SLC46A1: variants seen among roughly 807,000 people sequenced by gnomAD.
The protein encoded by SLC46A1 is solute carrier family 46 member 1.
In SLC46A1, 17 loss-of-function variants were observed where a neutral mutation model predicts 32.1. The ratio of observed to expected loss-of-function variants is 0.53; its 90% confidence interval spans 0.36 to 0.79. The LOEUF is 0.79. Ranked by LOEUF, SLC46A1 falls within the 30% of genes least tolerant of loss-of-function variation. The pLI is 0.00. For synonymous variants in SLC46A1, 240 were observed against 262.7 expected (o/e 0.91, Z 0.84); for missense variants, 517 against 588.2 (o/e 0.88, Z 1.25).
chr17:28,400,658 G>A lies in SLC46A1; in HGVS notation c.1274C>T (p.Pro425Leu), dbSNP rs80338774. 3 of 1,613,580 alleles carry A rather than the reference G, an allele frequency of 1.9e-6. No homozygotes were observed. The highest frequency in any genetic ancestry group is 1.3e-5 in the African/African-American group (1 of 74,896). ...CAGGAGGCCAGCTCCCAGGAGGAAGGGGAACCCCTTCATAAAGTTCAGAGT... is the reference window on the plus strand; with the variant it reads ...CAGGAGGCCAGCTCCCAGGAGGAAGAGGAACCCCTTCATAAAGTTCAGAGT... The part of the protein sequence containing the change: ...PATLNFMKGF[P>L]FLLGAGLLLI... The change falls in exon 4 of 5, where the codon CCC becomes CTC. Residue 425 changes from proline to leucine, a missense_variant. Transcript: ENST00000612814.
Position 28,405,897 on chromosome 17 carries a change from G to A in SLC46A1, c.218C>T (p.Pro73Leu). ...RGGCSNRSAD[P>L]TMQEVETLTS... Reference sequence around the variant, plus strand: ...TCGCCGCCCCGCTACCTGCATGGTGGGGTCCGCGCTGCGGTTGCTGCAGCC... The same window carrying A: ...TCGCCGCCCCGCTACCTGCATGGTGAGGTCCGCGCTGCGGTTGCTGCAGCC... The change falls in exon 1 of 5, where the codon CCC becomes CTC. Residue 73 changes from proline (P) to leucine (L), a missense_variant. Physicochemically the swap from Pro to Leu is moderately conservative, Grantham distance 98. Transcript: ENST00000612814. 1 of 1,593,556 alleles carries A rather than the reference G, an allele frequency of 6.3e-7. No homozygotes were observed. The highest frequency in any genetic ancestry group is 8.5e-7 in the Non-Finnish European group (1 of 1,171,290).
rs61732735 is a variant in SLC46A1 at position 28,405,271 on chromosome 17, G to C, written c.426C>G (p.Gly142=). ...AAAGGATGCGACCCAGCACGAAGTA[G>C]CCGACGTGGAGCTGCAGCTGCACCA... is the stretch of plus-strand genomic sequence containing the variant. ...VFVVQLQLHV[G]YFVLGRILCA... The change falls in exon 2 of 5, where the codon GGC becomes GGG. Residue 142 remains glycine, a synonymous_variant. Transcript: ENST00000612814. The C allele has an allele frequency of 1.3e-6, 2 of 1,585,318 alleles. No individual in the cohort carries two copies. Among genetic ancestry groups the C allele is most frequent in the South Asian group, 1.1e-5 (1 of 87,224 alleles).
intron 2 of SLC46A1, 57 bp from the exon 3 acceptor site, chr17:28,402,378 G>A: frequency 6.8e-7 from 1 of 1,478,836 alleles, no homozygotes. Context: ...GGCGTCCAAG[G>A]GAAAGGCAGC....
At position 28,399,916 on chromosome 17, in the gene SLC46A1, CA is replaced by C. The variant is rs41297119; in HGVS notation, c.1323-204del. 328 of 568,652 alleles carry C rather than the reference CA, an allele frequency of 5.8e-4. No individual in the cohort carries two copies. In the African/African-American group the frequency reaches 5.9e-3, roughly 10 times the overall value. 35.2% of individuals were successfully genotyped at this position (568,652 alleles called of 1,614,324 possible). Reference sequence around the variant, plus strand: ...AAATAACTTTTTTTTTTTTAAGAGACAGGGTCTTGCTCTGTTGTCCAGGCTG... The same window carrying C: ...AAATAACTTTTTTTTTTTTAAGAGACGGGTCTTGCTCTGTTGTCCAGGCTG... On this transcript the variant is annotated intron_variant, in intron 4 of 4. Coordinates refer to ENST00000612814, the MANE Select transcript of SLC46A1 (RefSeq NM_080669.6).
In SLC46A1 at chr17:28,395,909, T is replaced by C. The variant is rs1224037543; in HGVS notation, c.*3747A>G. On this transcript the variant is annotated 3_prime_UTR_variant, in exon 5 of 5. Transcript: ENST00000612814. ...TCCTTTCCTTTCTTTCTCCAGGAGATTGTGACTGCTTTAAGCTGCGGCAAG... is the reference window on the plus strand; with the variant it reads ...TCCTTTCCTTTCTTTCTCCAGGAGACTGTGACTGCTTTAAGCTGCGGCAAG... 6.2e-7 allele frequency: 1 copy of C among 1,613,782 alleles called. No homozygotes were observed. Among genetic ancestry groups the C allele is most frequent in the Non-Finnish European group, 8.5e-7 (1 of 1,179,850 alleles).
In SLC46A1 at chr17:28,396,040, C is replaced by A; in HGVS notation, c.*3616G>T. 9 of 1,613,804 alleles carry A rather than the reference C, an allele frequency of 5.6e-6. No individual in the cohort carries two copies. Among genetic ancestry groups the A allele is most frequent in the Non-Finnish European group, 7.6e-6 (9 of 1,179,818 alleles). On this transcript the variant is annotated 3_prime_UTR_variant, in exon 5 of 5. Transcript: ENST00000612814. ...CAACGGTATCAAGTGAGCCCCAGGG[C>A]CCTGGGACCAGGGGGGTAGGGTACA...
In SLC46A1 at chr17:28,404,792, T is replaced by C. The variant is rs1555590482; in HGVS notation, c.905A>G (p.Lys302Arg). ...ELSTPLCWDS[K>R]LIGYGSAAQH... Reference sequence around the variant, plus strand: ...AGCTGCAGAACCATAGCCGATTAGTTTGGAGTCCCAGCAGAGGGGTGTGCT... The same window carrying C: ...AGCTGCAGAACCATAGCCGATTAGTCTGGAGTCCCAGCAGAGGGGTGTGCT... Residue 302 changes from lysine to arginine, a missense_variant, in exon 2 of 5, where the codon AAA (lysine) becomes AGA (arginine). Lys to Arg is a conservative substitution (Grantham distance 26). Coordinates refer to ENST00000612814, the MANE Select transcript of SLC46A1 (RefSeq NM_080669.6). 5 of 1,613,842 alleles carry C rather than the reference T, an allele frequency of 3.1e-6. No homozygotes were observed. The highest frequency in any genetic ancestry group is 3.3e-5 in the Admixed American group (2 of 60,004).
In SLC46A1 at chr17:28,399,573, T is replaced by G. The variant is rs782350227; in HGVS notation, c.*83A>C. Reference sequence around the variant, plus strand: ...TAGACAAGAGTTGCTTGTCCTGCTGTGGGCTGGGCTTCCAGCTGCAGACCT... The same window carrying G: ...TAGACAAGAGTTGCTTGTCCTGCTGGGGGCTGGGCTTCCAGCTGCAGACCT... On this transcript the variant is annotated 3_prime_UTR_variant, in exon 5 of 5. Transcript: ENST00000612814. The G allele has an allele frequency of 7.0e-7, 1 of 1,432,994 alleles. No homozygotes were observed. The highest frequency in any genetic ancestry group is 1.2e-5 in the South Asian group (1 of 85,776). The allele number at this position is 1,432,994 out of a possible 1,614,324, so 88.8% of individuals were successfully genotyped here.
At chr17:28,402,214 A>G in intron 3 of SLC46A1, 24 bp downstream of exon 3, 2 of 1,603,834 alleles carry the variant, frequency 1.2e-6, no homozygotes, top group South Asian at 1.1e-5. Context: ...GAGGAACCAG[A>G]CACAGGTGGG....
At chr17:28,400,323 C>G (rs1271931761) in intron 4 of SLC46A1, 1 of 424,030 alleles carries the variant, frequency 2.4e-6, no homozygotes, top group African/African-American at 2.0e-5. Context: ...ATAGTTCCAT[C>G]TATAAAATGG....
At chr17:28,402,057 AGG>A (rs1555589717) in intron 3 of SLC46A1, 179 bp downstream of exon 3, 1 of 545,970 alleles carries the variant, frequency 1.8e-6, no homozygotes, top group Non-Finnish European at 3.3e-6. Flanking sequence ...TGAAAATCCA[AGG>A]TGGCATGATC....
At chr17:28,404,552 G>T in intron 2 of SLC46A1, 64 bp downstream of exon 2, 1 of 1,584,648 alleles carries the variant, frequency 6.3e-7, no homozygotes, top group Non-Finnish European at 8.6e-7. Flanking sequence ...GGCAGTGAGT[G>T]GCCGGCCCCC....
In SLC46A1 at chr17:28,397,696, G is replaced by C. The variant is rs1210507922; in HGVS notation, c.*1960C>G. The C allele has an allele frequency of 6.6e-6, 1 of 152,246 alleles. No individual in the cohort carries two copies. The highest frequency in any genetic ancestry group is 2.4e-5 in the African/African-American group (1 of 41,448). The allele number at this position is 152,246 out of a possible 1,614,324, so 9.4% of individuals were successfully genotyped here. A position where few individuals can be genotyped will look rare whatever the true frequency, so the allele number is the denominator to read the frequency against. On this transcript the variant is annotated 3_prime_UTR_variant, in exon 5 of 5. Coordinates refer to ENST00000612814, the MANE Select transcript of SLC46A1 (RefSeq NM_080669.6). ...GGGGGATAGGATTTTGCAACAAAAA[G>C]CTGACCCAGAGGCCATACAGAGCAG...
chr17:28,399,652 C>T lies in SLC46A1; in HGVS notation c.*4G>A. ...CTTGCCCTCTGTCTTCTGGTCCAGG[C>T]AGATCAGGGGCTCTGGGGAAACTGC... is the stretch of plus-strand genomic sequence containing the variant. On this transcript the variant is annotated 3_prime_UTR_variant, in exon 5 of 5. Coordinates refer to ENST00000612814, the MANE Select transcript of SLC46A1 (RefSeq NM_080669.6). 1 of 1,613,982 alleles carries T rather than the reference C, an allele frequency of 6.2e-7. No individual in the cohort carries two copies. Among genetic ancestry groups the T allele is most frequent in the South Asian group, 1.1e-5 (1 of 91,074 alleles).
intron 2 of SLC46A1, chr17:28,403,222 T>G (rs2068218147): frequency 6.6e-6 from 1 of 152,252 alleles, no homozygotes; most frequent in Non-Finnish European, 1.5e-5. Flanking sequence ...TCTGTTGTGT[T>G]AAGCCCCCAA....
intron 4 of SLC46A1, 65 bp downstream of exon 4, chr17:28,400,545 G>A (rs2068182858): frequency 3.2e-6 from 5 of 1,586,558 alleles, no homozygotes; most frequent in Non-Finnish European, 4.3e-6. Context: ...CTGGTTGGGA[G>A]GAGAAGAGGA....
chr17:28,406,176 G>A lies in SLC46A1; in HGVS notation c.-62C>T. 8.1e-7 allele frequency: 1 copy of A among 1,239,550 alleles called. No homozygotes were observed. The highest frequency in any genetic ancestry group is 1.0e-6 in the Non-Finnish European group (1 of 965,224). The allele number at this position is 1,239,550 out of a possible 1,614,324, so 76.8% of individuals were successfully genotyped here. A position where few individuals can be genotyped will look rare whatever the true frequency, so the allele number is the denominator to read the frequency against. Reference sequence around the variant, plus strand: ...GGGGCGCGCGAGCGACTCGCTGCCTGGGACCAGCGACGCGTGGCGTGGGGC... The same window carrying A: ...GGGGCGCGCGAGCGACTCGCTGCCTAGGACCAGCGACGCGTGGCGTGGGGC... On this transcript the variant is annotated 5_prime_UTR_variant, in exon 1 of 5. Transcript: ENST00000612814. The surrounding 1 kb of genome is among the most constrained non-coding windows in gnomAD (Gnocchi z 4.5).
At chr17:28,405,643 G>C in intron 1 of SLC46A1, 175 bp from the exon 2 acceptor site, 3 of 1,047,352 alleles carry the variant, frequency 2.9e-6, no homozygotes, top group Non-Finnish European at 2.7e-6. Flanking sequence ...CATGGACCAA[G>C]GCCCCATTCC....
At chr17:28,399,925 G>A in intron 4 of SLC46A1, 1 of 555,094 alleles carries the variant, frequency 1.8e-6, no homozygotes, top group South Asian at 2.0e-5. Flanking sequence ...ACAGGGTCTT[G>A]CTCTGTTGTC....
Sources: gnomAD v4.1 joint callset for allele counts on GRCh38, gnomAD v4.1.1 for gene constraint, Gnocchi (gnomAD v3.1) non-coding constraint, MANE v1.5 for transcripts, NCBI Gene and HGNC (gene_info 2026-07-23, HGNC 2026-07-21) for gene names.